FAM220A: variants seen among roughly 807,000 people sequenced by gnomAD.
FAM220A encodes family with sequence similarity 220 member A, also known as protein FAM220A.
For missense variants in FAM220A, 392 were observed against 321.6 expected, an observed-to-expected ratio of 1.22 and a Z score of -1.68; for synonymous variants, 141 against 130.7, an observed-to-expected ratio of 1.08 and a Z score of -0.54.
Position 6,336,576 on chromosome 7 carries a change from C to G in FAM220A, c.-81-5341G>C, listed in dbSNP as rs117735031. On this transcript the variant is annotated intron_variant, in intron 1 of 1. Transcript: ENST00000313324. Reference sequence around the variant, plus strand: ...CATGCCTATAATCCCAGCTATTAGTCAGGAGGCTGAGACACGAGAATCACT... The same window carrying G: ...CATGCCTATAATCCCAGCTATTAGTGAGGAGGCTGAGACACGAGAATCACT... Among the ~76,000 whole-genome samples the G allele has an allele frequency of 5.6e-3, 853 of 151,386 alleles. 41 individuals carry two copies. In the East Asian group the frequency reaches 0.087, roughly 15 times the overall value.
chr7:6,336,777 C>T (rs1256806810), intron 1 of FAM220A, among the ~76,000 whole-genome samples: 1 of 151,756 alleles, frequency 6.6e-6, no homozygotes, highest in African/African-American at 2.4e-5. Context: ...ACCTTAGCCT[C>T]CCAAGCAGCT....
intron 1 of FAM220A, among the ~76,000 whole-genome samples, chr7:6,336,105 G>A (rs563100864): frequency 2.0e-5 from 3 of 151,246 alleles, no homozygotes; most frequent in Admixed American, 6.6e-5. Flanking sequence ...CCTGGGAGGC[G>A]GAGGTTACAG....
intron 1 of FAM220A, among the ~76,000 whole-genome samples, chr7:6,332,019 G>A (rs1350191006): frequency 6.6e-6 from 1 of 151,666 alleles, no homozygotes; most frequent in Non-Finnish European, 1.5e-5. Flanking sequence ...GGCTGAGGTG[G>A]GAGAATCGCT....
intron 1 of FAM220A, among the ~76,000 whole-genome samples, chr7:6,331,782 C>T (rs1293655011): frequency 6.8e-5 from 10 of 146,448 alleles, no homozygotes; most frequent in Non-Finnish European, 1.5e-5. Context: ...CTCTTTTTGC[C>T]TAGGCTGGAG....
At chr7:6,347,118 G>C (rs935052919) in intron 1 of FAM220A, among the ~76,000 whole-genome samples, 5 of 152,162 alleles carry the variant, frequency 3.3e-5, no homozygotes, top group South Asian at 4.1e-4. Flanking sequence ...CTTGAGGCCA[G>C]AAGTTCAAGA....
At chr7:6,342,679 C>T (rs897324267) in intron 1 of FAM220A, among the ~76,000 whole-genome samples, 1 of 152,112 alleles carries the variant, frequency 6.6e-6, no homozygotes, top group African/African-American at 2.4e-5. Flanking sequence ...ACATTATTCA[C>T]AATAGCCAAA....
At chr7:6,335,678 G>C (rs1285211009) in intron 1 of FAM220A, among the ~76,000 whole-genome samples, 2 of 151,870 alleles carry the variant, frequency 1.3e-5, no homozygotes, top group Non-Finnish European at 2.9e-5. Flanking sequence ...ATATCTTGTG[G>C]GACATGCTGA....
chr7:6,340,501 C>G (rs1562447699), intron 1 of FAM220A, among the ~76,000 whole-genome samples: 1 of 152,072 alleles, frequency 6.6e-6, no homozygotes. Flanking sequence ...CGTGCTGCAC[C>G]TGGAGTTGGC....
At chr7:6,332,398 A>T (rs1033041534) in intron 1 of FAM220A, among the ~76,000 whole-genome samples, 1 of 152,168 alleles carries the variant, frequency 6.6e-6, no homozygotes, top group Non-Finnish European at 1.5e-5. Flanking sequence ...CTTTGCATCT[A>T]TCTGTAAACT....
At position 6,330,445 on chromosome 7, in the gene FAM220A, C is replaced by T; in HGVS notation, c.710G>A (p.Gly237Asp). Reference protein sequence around the residue: ...FKKMLKSTSDGLQITLGLLAL... With the variant: ...FKKMLKSTSDDLQITLGLLAL... The stretch of plus-strand genomic sequence containing the variant: ...CAGTAACCCCAGTGTTATCTGCAGA[C>T]CATCTGAGGTGCTTTTAAGCATTTT... The change falls in exon 2 of 2, where the codon GGT (glycine) becomes GAT (aspartate). Residue 237 changes from glycine to aspartate, a missense_variant. Transcript: ENST00000313324. 1 of 1,614,128 alleles carries T rather than the reference C, an allele frequency of 6.2e-7. No homozygotes were observed. The highest frequency in any genetic ancestry group is 8.5e-7 in the Non-Finnish European group (1 of 1,180,028).
At chr7:6,333,268 G>C (rs533727731) in intron 1 of FAM220A, among the ~76,000 whole-genome samples, 12 of 152,168 alleles carry the variant, frequency 7.9e-5, no homozygotes, top group African/African-American at 2.6e-4. Context: ...TTTAGAGAAA[G>C]AGACCTCGGG....
intron 1 of FAM220A, among the ~76,000 whole-genome samples, chr7:6,345,619 C>G (rs543545674): frequency 5.3e-5 from 8 of 152,178 alleles, no homozygotes; most frequent in Non-Finnish European, 1.0e-4. Context: ...CAGGTTTTCT[C>G]TTATAGCCAT....
Position 6,340,696 on chromosome 7 carries a change from G to A in FAM220A, c.-82+7877C>T, listed in dbSNP as rs140398639. On this transcript the variant is annotated intron_variant, in intron 1 of 1. Coordinates refer to ENST00000313324, the MANE Select transcript of FAM220A (RefSeq NM_001037163.2). ...GGGCGGATCACGAGGTCAGGAGATC[G>A]AGACCATCCTGGCTAACACGGTAAA... Among the ~76,000 whole-genome samples, 3 of 152,014 alleles carry A rather than the reference G, an allele frequency of 2.0e-5. No individual in the cohort carries two copies. In the East Asian group the frequency reaches 5.8e-4, roughly 30 times the overall value.
At chr7:6,338,144 A>G (rs1161672602) in intron 1 of FAM220A, among the ~76,000 whole-genome samples, 3 of 152,204 alleles carry the variant, frequency 2.0e-5, no homozygotes, top group Non-Finnish European at 4.4e-5. Flanking sequence ...ATTTTGGCTC[A>G]CAGCCCTCAA....
At chr7:6,341,242 A>G (rs1781851455) in intron 1 of FAM220A, among the ~76,000 whole-genome samples, 1 of 151,320 alleles carries the variant, frequency 6.6e-6, no homozygotes, top group Non-Finnish European at 1.5e-5. Flanking sequence ...CAGGAGATTG[A>G]GACCATCCTG....
intron 1 of FAM220A, among the ~76,000 whole-genome samples, chr7:6,345,734 TTTC>T (rs1781939824): frequency 6.6e-6 from 1 of 152,088 alleles, no homozygotes; most frequent in Non-Finnish European, 1.5e-5. Flanking sequence ...GCCCTCAAAG[TTTC>T]TTTTTTTAAA....
intron 1 of FAM220A, among the ~76,000 whole-genome samples, chr7:6,343,206 G>C (rs141461790): frequency 6.7e-4 from 101 of 150,790 alleles, no homozygotes; most frequent in Admixed American, 1.9e-3. Context: ...GTGAAGCCCC[G>C]TCTCTACTAA....
chr7:6,334,793 G>C (rs536609499), intron 1 of FAM220A, among the ~76,000 whole-genome samples: 3 of 121,772 alleles, frequency 2.5e-5, no homozygotes, highest in African/African-American at 1.0e-4. Flanking sequence ...ATTTTGAAAT[G>C]GAGTTTCACT....
intron 1 of FAM220A, among the ~76,000 whole-genome samples, chr7:6,337,489 A>C (rs1781770607): frequency 6.6e-6 from 1 of 151,826 alleles, no homozygotes; most frequent in Non-Finnish European, 1.5e-5. Context: ...TTAAGTTTCT[A>C]ACCATTTTTA....
Sources: gnomAD v4.1 joint callset for allele counts (sites outside exome capture counted in the v4.1 genomes callset) on GRCh38, gnomAD v4.1.1 for gene constraint, MANE v1.5 for transcripts, NCBI Gene and HGNC (gene_info 2026-07-23, HGNC 2026-07-21) for gene names.